NUP210L: variants seen among roughly 807,000 people sequenced by gnomAD.
NUP210L encodes nuclear pore membrane glycoprotein 210-like.
A neutral mutation model predicts 208.5 loss-of-function variants in NUP210L; 74 were observed. The ratio of observed to expected loss-of-function variants is 0.35; its 90% CI spans 0.29 to 0.43. NUP210L has a LOEUF of 0.43. NUP210L is among the 20% of genes least tolerant of loss of function. NUP210L has a pLI of 1.00. For synonymous variants in NUP210L, 780 were observed against 816.9 expected (o/e 0.95, Z 0.77); for missense variants, 1,843 against 2,289.4 (o/e 0.81, Z 3.98).
intron 28 of NUP210L, among the ~76,000 whole-genome samples, chr1:154,028,113 C>T (rs945618266): frequency 1.3e-5 from 2 of 152,060 alleles, no homozygotes; most frequent in African/African-American, 4.8e-5. Flanking sequence ...AAAAAAAAGT[C>T]TCAAAATCAG....
In NUP210L at chr1:154,152,891, TAA is replaced by T; in HGVS notation, c.204-21_204-20del. The T allele has an allele frequency of 6.2e-7, 1 of 1,612,600 alleles. No homozygotes were observed. Among genetic ancestry groups the T allele is most frequent in the Non-Finnish European group, 8.5e-7 (1 of 1,178,666 alleles). ...GGAATGCCTGCCAGAACAAAATTCT[TAA>T]GAGTGTGAAATAGGTGGGTTAAAAT... On this transcript the variant is annotated intron_variant, in intron 1 of 39. Transcript: ENST00000368559.
At chr1:154,041,133 T>TG (rs1652850974) in intron 27 of NUP210L, among the ~76,000 whole-genome samples, 1 of 151,786 alleles carries the variant, frequency 6.6e-6, no homozygotes, top group Admixed American at 6.6e-5. Context: ...CCTACCTAAT[T>TG]TTAAAACTTT....
exon 40 of NUP210L, chr1:153,992,789 A>G (rs753751770): frequency 4.0e-5 from 53 of 1,312,012 alleles, no homozygotes; most frequent in Non-Finnish European, 5.3e-5. Context: ...CGAGGACTAG[A>G]AATCTTCATT....
chr1:154,083,029 T>C (rs1045387631), intron 16 of NUP210L, among the ~76,000 whole-genome samples: 4 of 152,168 alleles, frequency 2.6e-5, no homozygotes, highest in African/African-American at 9.7e-5. Context: ...GTGTTACAGC[T>C]CATGAAGGTA....
chr1:154,065,135 T>C (rs1394177591), intron 17 of NUP210L, among the ~76,000 whole-genome samples: 2 of 146,608 alleles, frequency 1.4e-5, no homozygotes, highest in Non-Finnish European at 3.0e-5. Flanking sequence ...TAAAATAAAA[T>C]AAAATCAGGT....
intron 25 of NUP210L, among the ~76,000 whole-genome samples, chr1:154,052,434 G>A (rs1196359954): frequency 4.6e-5 from 7 of 152,104 alleles, no homozygotes; most frequent in African/African-American, 1.7e-4. Flanking sequence ...CACCTACCCG[G>A]GGACAGATCA....
chr1:154,094,505 A>G (rs1656090218), intron 15 of NUP210L, among the ~76,000 whole-genome samples: 1 of 152,194 alleles, frequency 6.6e-6, no homozygotes, highest in Admixed American at 6.5e-5. Context: ...TGATAGAGAT[A>G]AAATATATTT....
chr1:154,092,401 ACT>A (rs1482894113), intron 15 of NUP210L, among the ~76,000 whole-genome samples: 4 of 90,966 alleles, frequency 4.4e-5, no homozygotes, highest in African/African-American at 8.8e-5. Context: ...ACGCAGTCTC[ACT>A]CTGTCGCCCA....
At chr1:154,021,216 AGGCATGGGCCACC>A (rs1234418093) in intron 32 of NUP210L, among the ~76,000 whole-genome samples, 1 of 152,232 alleles carries the variant, frequency 6.6e-6, no homozygotes, top group Non-Finnish European at 1.5e-5. Context: ...CTGGGATTAC[AGGCATGGGCCACC>A]GCACCTGGCT....
chr1:154,123,925 T>C (rs1423050330), intron 10 of NUP210L, among the ~76,000 whole-genome samples: 8 of 149,822 alleles, frequency 5.3e-5, no homozygotes, highest in Non-Finnish European at 1.0e-4. Flanking sequence ...GGCTCATGCC[T>C]GTAATCCTAG....
At chr1:154,071,395 C>T (rs1372120607) in intron 16 of NUP210L, among the ~76,000 whole-genome samples, 3 of 151,718 alleles carry the variant, frequency 2.0e-5, no homozygotes, top group Admixed American at 6.6e-5. Context: ...ACTCATCACC[C>T]AAGAAGTATA....
chr1:154,046,271 C>A lies in NUP210L; in HGVS notation c.3564+18G>T, dbSNP rs751404038. ...AATTATCAGAATAATGAGCCCTGAA[C>A]AGAGCCATCATACTGACCTTGGTAG... On this transcript the variant is annotated intron_variant, in intron 26 of 39. Transcript: ENST00000368559. The A allele has an allele frequency of 1.9e-6, 3 of 1,614,044 alleles. No individual in the cohort carries two copies. Among genetic ancestry groups the A allele is most frequent in the South Asian group, 2.2e-5 (2 of 91,080 alleles).
rs1654100949 is a variant in NUP210L, at chr1:154,060,873, T to C, written c.2748+69A>G. 4 of 1,095,164 alleles carry C rather than the reference T, an allele frequency of 3.7e-6. No individual in the cohort carries two copies. The Admixed American group carries it at 8.1e-5, about 22-fold the overall frequency. The allele number at this position is 1,095,164 out of a possible 1,614,324, so 67.8% of individuals were successfully genotyped here. A position where few individuals can be genotyped will look rare whatever the true frequency, so the allele number is the denominator to read the frequency against. ...AACACATAAGTAAGTTTTTTAATTG[T>C]TATGCTATTAATTTTAATAACTTCC... is the stretch of plus-strand genomic sequence containing the variant. On this transcript the variant is annotated intron_variant, in intron 19 of 39. Transcript: ENST00000368559.
Position 154,061,658 on chromosome 1 carries a change from T to C in NUP210L, c.2571A>G (p.Lys857=), listed in dbSNP as rs542645892. 2.5e-6 allele frequency: 4 copies of C among 1,602,184 alleles called. No individual in the cohort carries two copies. In the African/African-American group the frequency reaches 5.4e-5, roughly 22 times the overall value. ...GTACAGTCCCTTTTATCTGATGTAC[T>C]TTAAGGATCTGATGACCTGGAAACA... Residue 857 remains lysine (K), a synonymous_variant, in exon 18 of 40, where the codon AAA becomes AAG. Coordinates refer to ENST00000368559, the Ensembl canonical transcript of NUP210L.
intron 22 of NUP210L, 91 bp from the exon 23 acceptor site, chr1:154,057,038 G>C: frequency 7.8e-7 from 1 of 1,289,968 alleles, no homozygotes; most frequent in Non-Finnish European, 1.1e-6. Flanking sequence ...GAGTGCAGTG[G>C]CATGATCTCA....
chr1:154,001,009 G>T, exon 37 of NUP210L: 1 of 1,614,206 alleles, frequency 6.2e-7, no homozygotes, highest in Non-Finnish European at 8.5e-7. Context: ...CCAGGAGTGA[G>T]GGGAGAGTGG....
chr1:154,106,264 AAAAT>A (rs562234400), intron 12 of NUP210L, among the ~76,000 whole-genome samples: 35 of 152,178 alleles, frequency 2.3e-4, no homozygotes, highest in Middle Eastern at 3.4e-3. Flanking sequence ...CCATTCCAGA[AAAAT>A]AAATAAATAA....
intron 12 of NUP210L, 26 bp downstream of exon 12, chr1:154,117,699 A>T: frequency 6.3e-7 from 1 of 1,590,646 alleles, no homozygotes; most frequent in Non-Finnish European, 8.6e-7. Context: ...TGTAGGGGTA[A>T]TAAGAATATC....
chr1:154,106,491 G>A (rs1656768953), intron 12 of NUP210L, among the ~76,000 whole-genome samples: 1 of 152,176 alleles, frequency 6.6e-6, no homozygotes, highest in African/African-American at 2.4e-5. Flanking sequence ...TAACTGTACA[G>A]TCCTTGGGCC....
Sources: gnomAD v4.1 joint callset for allele counts (sites outside exome capture counted in the v4.1 genomes callset) on GRCh38, gnomAD v4.1.1 for gene constraint, MANE v1.5 for transcripts, NCBI Gene and HGNC (gene_info 2026-07-23, HGNC 2026-07-21) for gene names.